Variants in DNER observed in about 807,000 individuals in gnomAD.
DNER encodes delta and Notch-like epidermal growth factor-related receptor.
A neutral mutation model predicts 78.2 loss-of-function variants in DNER; 33 were observed. The ratio of observed to expected loss-of-function variants is 0.42; its 90% CI spans 0.32 to 0.56. The LOEUF is 0.56. Ranked by LOEUF, DNER falls within the 20% of genes least tolerant of loss-of-function variation. DNER has a pLI of 0.11. For synonymous variants in DNER, 417 were observed against 384.8 expected, an observed-to-expected ratio of 1.08 and a Z score of -0.98; for missense variants, 918 against 975.3, an observed-to-expected ratio of 0.94 and a Z score of 0.78.
At chr2:229,422,184 A>G (rs6750605) in intron 8 of DNER, among the ~76,000 whole-genome samples, 152,276 of 152,286 alleles carry the variant, frequency 1, 76,133 homozygotes, top group Non-Finnish European at 1. Context: ...CAATCGGACG[A>G]TTTGAATAAA....
intron 4 of DNER, among the ~76,000 whole-genome samples, chr2:229,552,088 G>C (rs1347979333): frequency 6.6e-6 from 1 of 152,146 alleles, no homozygotes; most frequent in Non-Finnish European, 1.5e-5. Flanking sequence ...TGAGCAGAAT[G>C]GATCTTAAAA....
At chr2:229,404,247 G>A (rs1265717620) in intron 10 of DNER, among the ~76,000 whole-genome samples, 1 of 152,188 alleles carries the variant, frequency 6.6e-6, no homozygotes, top group Non-Finnish European at 1.5e-5. Context: ...TACTACCCAA[G>A]ACTGGGTAAT....
chr2:229,460,315 T>A lies in DNER; in HGVS notation c.1262-12775A>T, dbSNP rs1274164891. Among the ~76,000 whole-genome samples, 3 of 151,960 alleles carry A rather than the reference T, an allele frequency of 2.0e-5. No homozygotes were observed. The East Asian group carries it at 5.8e-4, about 29-fold the overall frequency. Reference sequence around the variant, plus strand: ...AGAAACTTTAAGAGAAAATCATAAATGTTTTGGTGTTACAAGCTAATGTGT... The same window carrying A: ...AGAAACTTTAAGAGAAAATCATAAAAGTTTTGGTGTTACAAGCTAATGTGT... On this transcript the variant is annotated intron_variant, in intron 7 of 12. Coordinates refer to ENST00000341772, the MANE Select transcript of DNER (RefSeq NM_139072.4).
rs369780521 is a variant in DNER at position 229,591,546 on chromosome 2, T to G, written c.585+34A>C. Reference sequence around the variant, plus strand: ...GAGTCACTTTAAGATTTCTGGTTTCTAATGTAAAAATGCACATGATATAAC... The same window carrying G: ...GAGTCACTTTAAGATTTCTGGTTTCGAATGTAAAAATGCACATGATATAAC... On this transcript the variant is annotated intron_variant, in intron 2 of 12. Transcript: ENST00000341772. The surrounding 1 kb of genome is among the most constrained non-coding windows in gnomAD (Gnocchi z 4.6). 1 of 1,572,982 alleles carries G rather than the reference T, an allele frequency of 6.4e-7. No homozygotes were observed. Among genetic ancestry groups the G allele is most frequent in the Non-Finnish European group, 8.6e-7 (1 of 1,158,728 alleles).
intron 5 of DNER, among the ~76,000 whole-genome samples, chr2:229,516,553 A>G (rs575864148): frequency 2.6e-5 from 4 of 152,278 alleles, no homozygotes; most frequent in Non-Finnish European, 5.9e-5. Context: ...ACCCTCAGAG[A>G]TTAATTTAAA....
At chr2:229,505,916 G>A (rs777731018) in intron 6 of DNER, among the ~76,000 whole-genome samples, 3 of 152,156 alleles carry the variant, frequency 2.0e-5, no homozygotes, top group Admixed American at 1.3e-4. Flanking sequence ...TTATCAGAAA[G>A]CAGCTTACTT....
chr2:229,420,991 CA>C (rs1693752588), intron 8 of DNER, among the ~76,000 whole-genome samples: 1 of 152,146 alleles, frequency 6.6e-6, no homozygotes, highest in Admixed American at 6.5e-5. Context: ...GCATTATTCA[CA>C]ATAACCAAGA....
chr2:229,592,142 C>T (rs977032397), intron 1 of DNER, among the ~76,000 whole-genome samples: 3 of 152,150 alleles, frequency 2.0e-5, no homozygotes, highest in Non-Finnish European at 4.4e-5. Context: ...ACCCAAAACA[C>T]CCAATAATGT....
At chr2:229,565,861 T>C (rs1049638016) in intron 4 of DNER, among the ~76,000 whole-genome samples, 1 of 152,216 alleles carries the variant, frequency 6.6e-6, no homozygotes, top group African/African-American at 2.4e-5. Context: ...TCTTTTTCAA[T>C]GTCTATTTGA....
chr2:229,476,334 C>A (rs1695036032), intron 7 of DNER, among the ~76,000 whole-genome samples: 1 of 152,128 alleles, frequency 6.6e-6, no homozygotes, highest in Admixed American at 6.5e-5. Context: ...CTTACCAACA[C>A]CCTCCTGGAC....
intron 1 of DNER, among the ~76,000 whole-genome samples, chr2:229,711,740 A>G (rs531091476): frequency 5.3e-5 from 8 of 152,284 alleles, no homozygotes; most frequent in African/African-American, 1.9e-4. Flanking sequence ...TTTCCAATTT[A>G]TCCAGTGAGC....
At chr2:229,595,754 C>G in intron 1 of DNER, among the ~76,000 whole-genome samples, 1 of 152,230 alleles carries the variant, frequency 6.6e-6, no homozygotes, top group East Asian at 1.9e-4. Flanking sequence ...CGGCAGTACC[C>G]TCTGCCGGGA....
At chr2:229,506,089 T>C (rs6749788) in intron 6 of DNER, among the ~76,000 whole-genome samples, 59,874 of 152,044 alleles carry the variant, frequency 0.39, 12,036 homozygotes, top group Middle Eastern at 0.47. Flanking sequence ...CAAACTGTTT[T>C]GGGGTTGTAT....
At chr2:229,599,423 C>T (rs974927132) in intron 1 of DNER, among the ~76,000 whole-genome samples, 25 of 137,680 alleles carry the variant, frequency 1.8e-4, no homozygotes, top group Admixed American at 6.8e-4. Flanking sequence ...ACTTTTGACA[C>T]CTTGAATTGG....
intron 1 of DNER, among the ~76,000 whole-genome samples, chr2:229,684,165 AGAGAGTGT>A (rs1278378171): frequency 1.2e-3 from 143 of 117,062 alleles, no homozygotes; most frequent in East Asian, 3.6e-3. Context: ...AGAGAGAGAG[AGAGAGTGT>A]GTGTGTGTGT....
At chr2:229,630,434 T>A (rs1698412852) in intron 1 of DNER, among the ~76,000 whole-genome samples, 1 of 150,996 alleles carries the variant, frequency 6.6e-6, no homozygotes, top group African/African-American at 2.4e-5. Context: ...CGAGATGGTG[T>A]CACTGCACCC....
At chr2:229,380,097 T>C (rs1692701444) in intron 11 of DNER, among the ~76,000 whole-genome samples, 2 of 152,254 alleles carry the variant, frequency 1.3e-5, no homozygotes, top group South Asian at 2.1e-4. Flanking sequence ...CTCAGCCTCT[T>C]ATCAAGTTGA....
chr2:229,541,990 T>C (rs1205907717), intron 5 of DNER, among the ~76,000 whole-genome samples: 3 of 147,324 alleles, frequency 2.0e-5, no homozygotes, highest in African/African-American at 7.4e-5. Flanking sequence ...ATCTATATTA[T>C]ATAATTAATA....
chr2:229,636,613 G>A (rs943252380), intron 1 of DNER, among the ~76,000 whole-genome samples: 5 of 152,222 alleles, frequency 3.3e-5, no homozygotes, highest in Non-Finnish European at 7.3e-5. Flanking sequence ...TTGAAATCAT[G>A]AGACTTGAAT....
Sources: gnomAD v4.1 joint callset for allele counts (sites outside exome capture counted in the v4.1 genomes callset) on GRCh38, gnomAD v4.1.1 for gene constraint, Gnocchi (gnomAD v3.1) non-coding constraint, MANE v1.5 for transcripts, NCBI Gene and HGNC (gene_info 2026-07-23, HGNC 2026-07-21) for gene names.